Variants in FBN2 observed in about 807,000 individuals in gnomAD.
FBN2 encodes fibrillin 2.
Under a neutral mutation model 355.6 loss-of-function variants are expected in FBN2, and 105 were observed. That is an observed-to-expected ratio of 0.30 (90% CI 0.25 to 0.35). The LOEUF (loss-of-function observed/expected upper bound fraction) is 0.35, where lower values mean the gene tolerates loss of function less well. Among genes scored for constraint, FBN2 ranks in the 10% least tolerant of loss-of-function variants. FBN2 has a pLI of 1.00. For missense variants in FBN2, 3,280 were observed against 3,758.7 expected, an observed-to-expected ratio of 0.87 and a Z score of 3.33; for synonymous variants, 1,350 against 1,301.2, an observed-to-expected ratio of 1.04 and a Z score of -0.81.
At chr5:128,282,469 C>G (rs1052599273) in intron 55 of FBN2, among the ~76,000 whole-genome samples, 1 of 151,788 alleles carries the variant, frequency 6.6e-6, no homozygotes. Flanking sequence ...TCAAAAAGGG[C>G]TTTTGAACTA....
chr5:128,259,757 C>T lies in FBN2; in HGVS notation c.8437G>A (p.Gly2813Ser), dbSNP rs199808954. 3.2e-5 allele frequency: 51 copies of T among 1,613,616 alleles called. No homozygotes were observed. The South Asian group carries it at 4.0e-4, about 13-fold the overall frequency. The stretch of plus-strand genomic sequence containing the variant: ...AGTTCCAGGATGTGCTCCTTAGAGC[C>T]GAGGTGGGAGAGGTTGAACTTCATG... ...VNMKFNLSHL[G>S]SKEHILELRP... is the part of the protein sequence containing the mutation. Residue 2813 changes from glycine (G) to serine (S), a missense_variant, in exon 65 of 65, where the codon GGC (glycine) becomes AGC (serine). Gly to Ser is a moderately conservative substitution (Grantham distance 56). Around this residue, in one of 6 missense-constraint regions of FBN2, gnomAD observed 311 missense variants for 319.1 expected, o/e 0.97. Coordinates refer to ENST00000262464, the MANE Select transcript of FBN2 (RefSeq NM_001999.4).
In FBN2 at chr5:128,528,066, T is replaced by C. The variant is rs148933442; in HGVS notation, c.437-99A>G. On this transcript the variant is annotated intron_variant, in intron 3 of 64. Transcript: ENST00000262464. The stretch of plus-strand genomic sequence containing the variant: ...CTATAAACTCAATTATCCAATTCAA[T>C]GACAATTATATCTTACAGAAGGAAA... The C allele has an allele frequency of 1.9e-4, 148 of 778,128 alleles. 1 individual carries two copies. In the Admixed American group the frequency reaches 2.9e-3, roughly 15 times the overall value. The allele number at this position is 778,128 out of a possible 1,614,324, so 48.2% of individuals were successfully genotyped here.
intron 6 of FBN2, among the ~76,000 whole-genome samples, chr5:128,448,803 C>G (rs1754144915): frequency 6.6e-6 from 1 of 151,976 alleles, no homozygotes; most frequent in Non-Finnish European, 1.5e-5. Context: ...TGTCTATATT[C>G]CTTGAACACT....
At chr5:128,350,633 T>C (rs561314886) in intron 21 of FBN2, among the ~76,000 whole-genome samples, 1 of 152,218 alleles carries the variant, frequency 6.6e-6, no homozygotes, top group African/African-American at 2.4e-5. Context: ...ATCTAGCAGA[T>C]AGATTCTAGC....
At chr5:128,498,698 C>T (rs1001244216) in intron 5 of FBN2, among the ~76,000 whole-genome samples, 1 of 152,112 alleles carries the variant, frequency 6.6e-6, no homozygotes, top group Non-Finnish European at 1.5e-5. Flanking sequence ...GAAATGAATA[C>T]TTATGAATGT....
chr5:128,332,798 T>C (rs1199193786), intron 32 of FBN2, 114 bp downstream of exon 32: 8 of 1,081,176 alleles, frequency 7.4e-6, no homozygotes, highest in South Asian at 1.3e-5. Context: ...GCAACTAAGA[T>C]AACCTTTTTA....
At chr5:128,435,360 A>T (rs1753746265) in intron 7 of FBN2, among the ~76,000 whole-genome samples, 1 of 152,186 alleles carries the variant, frequency 6.6e-6, no homozygotes, top group Non-Finnish European at 1.5e-5. Flanking sequence ...TGTTATTTTC[A>T]AGATTTTTGT....
intron 8 of FBN2, among the ~76,000 whole-genome samples, chr5:128,405,798 T>C (rs1485363422): frequency 6.6e-6 from 1 of 152,222 alleles, no homozygotes; most frequent in Non-Finnish European, 1.5e-5. Context: ...TCCACATTGA[T>C]TACCAAATAA....
At chr5:128,269,298 A>AAC (rs1047610677) in intron 62 of FBN2, among the ~76,000 whole-genome samples, 5 of 148,454 alleles carry the variant, frequency 3.4e-5, no homozygotes, top group African/African-American at 1.2e-4. Flanking sequence ...AATAATAATA[A>AAC]TAATAATAAA....
At chr5:128,514,556 A>G (rs1394141589) in intron 5 of FBN2, among the ~76,000 whole-genome samples, 3 of 152,164 alleles carry the variant, frequency 2.0e-5, no homozygotes, top group African/African-American at 7.2e-5. Context: ...CTCAACAAAT[A>G]TTGGATGAAT....
intron 5 of FBN2, among the ~76,000 whole-genome samples, chr5:128,498,214 C>A (rs998110864): frequency 6.6e-6 from 1 of 152,200 alleles, no homozygotes. Context: ...CCACAGGGAC[C>A]TGGAAGTTAC....
intron 11 of FBN2, among the ~76,000 whole-genome samples, chr5:128,380,557 C>G (rs554608444): frequency 8.2e-4 from 125 of 152,202 alleles, no homozygotes; most frequent in African/African-American, 2.9e-3. Context: ...CTTCTGTCTC[C>G]TGAGCCCCTC....
chr5:128,283,604 A>T (rs1457027437), intron 55 of FBN2, among the ~76,000 whole-genome samples: 1 of 152,052 alleles, frequency 6.6e-6, no homozygotes, highest in African/African-American at 2.4e-5. Context: ...TGCTCCTCCT[A>T]CTCTCCAGGA....
rs556092959 is a variant in FBN2, at chr5:128,349,240, C to T, written c.2989+107G>A. The T allele has an allele frequency of 2.5e-5, 33 of 1,315,266 alleles. 1 individual carries two copies. The South Asian group carries it at 3.2e-4, about 13-fold the overall frequency. The allele number at this position is 1,315,266 out of a possible 1,614,324, so 81.5% of individuals were successfully genotyped here. A position where few individuals can be genotyped will look rare whatever the true frequency, so the allele number is the denominator to read the frequency against. ...TTCCCCCTAAATATCTCATTTAAAG[C>T]AAGTTTTCTCAAGTACAAACTCTTG... is the stretch of plus-strand genomic sequence containing the variant. On this transcript the variant is annotated intron_variant, in intron 23 of 64. Coordinates refer to ENST00000262464, the MANE Select transcript of FBN2 (RefSeq NM_001999.4).
chr5:128,366,401 C>T lies in FBN2; in HGVS notation c.2278G>A (p.Val760Ile). 4 of 1,605,524 alleles carry T rather than the reference C, an allele frequency of 2.5e-6. No individual in the cohort carries two copies. Among genetic ancestry groups the T allele is most frequent in the Non-Finnish European group, 3.4e-6 (4 of 1,173,458 alleles). Reference protein sequence around the residue: ...AEFHGLCSSGVGITVDGRDIN... With the variant: ...AEFHGLCSSGIGITVDGRDIN... ...CCTCTTCCATCCACAGTGATACCTA[C>T]TCCACTACTACAAAGGCCGTGGAAT... The change falls in exon 17 of 65, where the codon GTA becomes ATA. Residue 760 changes from valine (V) to isoleucine (I), a missense_variant. Val to Ile is a conservative substitution (Grantham distance 29). This residue lies in a region of FBN2 where 2,284 missense variants were observed against 2,749.5 expected (regional missense o/e 0.83). Coordinates refer to ENST00000262464, the MANE Select transcript of FBN2 (RefSeq NM_001999.4).
chr5:128,294,490 C>A (rs1188329804), intron 48 of FBN2, among the ~76,000 whole-genome samples: 1 of 151,936 alleles, frequency 6.6e-6, no homozygotes, highest in African/African-American at 2.4e-5. Context: ...CACATCCTCC[C>A]CAGCACCTGT....
At chr5:128,508,432 T>G (rs953209906) in intron 5 of FBN2, among the ~76,000 whole-genome samples, 2 of 152,002 alleles carry the variant, frequency 1.3e-5, no homozygotes, top group African/African-American at 4.8e-5. Flanking sequence ...TAGTGCTTAC[T>G]CTAAGGTTTA....
At chr5:128,382,601 C>A (rs1752261220) in intron 11 of FBN2, among the ~76,000 whole-genome samples, 1 of 152,038 alleles carries the variant, frequency 6.6e-6, no homozygotes, top group Admixed American at 6.6e-5. Context: ...CTCAGCATGT[C>A]CAAGAAAGAC....
chr5:128,310,840 T>C (rs1380172339), intron 39 of FBN2, among the ~76,000 whole-genome samples: 5 of 152,130 alleles, frequency 3.3e-5, no homozygotes, highest in South Asian at 2.1e-4. Flanking sequence ...CCTAAAAGAA[T>C]TGAAATACCA....
Sources: allele counts gnomAD v4.1 joint callset (sites outside exome capture counted in the v4.1 genomes callset), GRCh38; gene constraint gnomAD v4.1.1; regional missense constraint gnomAD v4.1.1; transcripts MANE v1.5; gene names NCBI Gene and HGNC (gene_info 2026-07-23, HGNC 2026-07-21).